The following TUBGCP2 variants were observed in gnomAD, a reference collection of about 807,000 sequenced individuals.
TUBGCP2 encodes the protein gamma-tubulin complex component 2.
TUBGCP2 carries 55 observed loss-of-function variants against 92.2 expected under a neutral mutation model. That is an observed-to-expected ratio of 0.60 (90% CI 0.48 to 0.75). TUBGCP2 has a LOEUF of 0.75. TUBGCP2 is among the 30% of genes least tolerant of loss of function. TUBGCP2 has a pLI of 0.00. For missense variants in TUBGCP2, 1,093 were observed against 1,188.9 expected (o/e 0.92, Z 1.19); for synonymous variants, 533 against 505.2 (o/e 1.06, Z -0.74).
chr10:133,293,985 G>A (rs888698007), intron 5 of TUBGCP2, among the ~76,000 whole-genome samples: 1 of 152,234 alleles, frequency 6.6e-6, no homozygotes, highest in Admixed American at 6.5e-5. Flanking sequence ...CGTGGTGGCT[G>A]GTGTCAAGAT....
chr10:133,289,331 A>G (rs1295822039), intron 9 of TUBGCP2, among the ~76,000 whole-genome samples: 1 of 152,238 alleles, frequency 6.6e-6, no homozygotes, highest in Non-Finnish European at 1.5e-5. Flanking sequence ...AATAATTTCG[A>G]ACAGGCATTA....
rs1183315579 is a variant in TUBGCP2, at chr10:133,285,245, C to A, written c.1896-32G>T. ...GAGACGTGGCGGCACCTCAGGTGGG[C>A]CTCCGTGACCGGCGGCGTCGTGGAC... is the stretch of plus-strand genomic sequence containing the variant. On this transcript the variant is annotated intron_variant, in intron 12 of 17. Transcript: ENST00000252936. This position sits in a 1 kb window ranked among gnomAD's most constrained non-coding sequence, Gnocchi z 6.8. 3 of 1,609,268 alleles carry A rather than the reference C, an allele frequency of 1.9e-6. No individual in the cohort carries two copies. Among genetic ancestry groups the A allele is most frequent in the Non-Finnish European group, 1.7e-6 (2 of 1,179,896 alleles).
At chr10:133,307,099 C>T (rs1847840697) in intron 1 of TUBGCP2, among the ~76,000 whole-genome samples, 2 of 152,250 alleles carry the variant, frequency 1.3e-5, no homozygotes, top group South Asian at 4.1e-4. Flanking sequence ...AAATGCACAG[C>T]GTCCCACTGA....
Position 133,281,799 on chromosome 10 carries a change from C to T in TUBGCP2, c.2410-363G>A, listed in dbSNP as rs111676427. On this transcript the variant is annotated intron_variant, in intron 16 of 17. Transcript: ENST00000252936. Reference sequence around the variant, plus strand: ...TCCTCTCTGCCAGCTCCAGCTCCAGCGTGTGAACACGGGACTGCCCACCCC... The same window carrying T: ...TCCTCTCTGCCAGCTCCAGCTCCAGTGTGTGAACACGGGACTGCCCACCCC... Among the ~76,000 whole-genome samples, 851 of 152,376 alleles carry T rather than the reference C, an allele frequency of 5.6e-3. 7 individuals are homozygous for T. The highest frequency in any genetic ancestry group is 0.019 in the African/African-American group (796 of 41,600).
At position 133,279,487 on chromosome 10, in the gene TUBGCP2, C is replaced by T. The variant is rs1237406447; in HGVS notation, c.*279G>A. 2.2e-6 allele frequency: 1 copy of T among 463,054 alleles called. No homozygotes were observed. Among genetic ancestry groups the T allele is most frequent in the African/African-American group, 2.1e-5 (1 of 48,388 alleles). The allele number at this position is 463,054 out of a possible 1,614,324, so 28.7% of individuals were successfully genotyped here. ...CTTTGCTTGCTCCTGGCTTAAACAC[C>T]ATGTATTTCCACTTTGAGGCCAAAA... On this transcript the variant is annotated 3_prime_UTR_variant, in exon 18 of 18. Transcript: ENST00000252936.
At chr10:133,303,173 C>A (rs1200711730) in intron 1 of TUBGCP2, among the ~76,000 whole-genome samples, 193 bp from the exon 2 acceptor site, 1 of 152,062 alleles carries the variant, frequency 6.6e-6, no homozygotes, top group Middle Eastern at 3.4e-3. Context: ...GGATTAGGGC[C>A]CCTGCCCAAC....
chr10:133,283,677 CTG>C (rs1847047310), intron 14 of TUBGCP2, among the ~76,000 whole-genome samples: 3 of 6,162 alleles, frequency 4.9e-4, no homozygotes, highest in Non-Finnish European at 1.1e-3. Flanking sequence ...CCTGCACTCC[CTG>C]CCTCTCCCGC....
chr10:133,309,715 G>C (rs545292455), upstream of TUBGCP2: 19 of 1,588,592 alleles, frequency 1.2e-5, no homozygotes, highest in Non-Finnish European at 1.6e-5. Context: ...AAACTGTGCA[G>C]AAAGTCCAGC....
chr10:133,283,583 G>A (rs2078527417), intron 14 of TUBGCP2, among the ~76,000 whole-genome samples: 1 of 136,532 alleles, frequency 7.3e-6, no homozygotes, highest in African/African-American at 3.6e-5. Context: ...GGGGTCCCGT[G>A]TGTGGCCAGC....
chr10:133,300,169 A>G, intron 2 of TUBGCP2, 56 bp from the exon 3 acceptor site: 4 of 1,574,102 alleles, frequency 2.5e-6, no homozygotes, highest in Non-Finnish European at 3.4e-6. Context: ...GCACTGTAAA[A>G]AAAAACCTTT....
intron 14 of TUBGCP2, 47 bp from the exon 15 acceptor site, chr10:133,283,268 G>T: frequency 6.2e-7 from 1 of 1,612,122 alleles, no homozygotes; most frequent in Admixed American, 1.7e-5. Flanking sequence ...GTGGCTGACA[G>T]ACGGGCCCTG....
upstream of TUBGCP2, among the ~76,000 whole-genome samples, chr10:133,311,009 C>G (rs1298923054): frequency 6.6e-6 from 1 of 152,192 alleles, no homozygotes; most frequent in East Asian, 1.9e-4. Flanking sequence ...GCTATGTTGC[C>G]CAGTCTGGTC....
At chr10:133,280,670 C>T (rs1252522016) in intron 17 of TUBGCP2, among the ~76,000 whole-genome samples, 1 of 152,240 alleles carries the variant, frequency 6.6e-6, no homozygotes, top group East Asian at 1.9e-4. Flanking sequence ...CCAGCACTAG[C>T]ACCAGGACAC....
Position 133,293,738 on chromosome 10 carries a change from G to T in TUBGCP2, c.648C>A (p.Ala216=), listed in dbSNP as rs547375200. The T allele has an allele frequency of 2.4e-5, 39 of 1,599,706 alleles. No homozygotes were observed. Among genetic ancestry groups the T allele is most frequent in the Non-Finnish European group, 3.2e-5 (37 of 1,174,250 alleles). The change falls in exon 6 of 18, where the codon GCC becomes GCA. Residue 216 remains alanine (A), a synonymous_variant. Transcript: ENST00000252936. ...GTLPLASQES[A]VVEDLLYVLV... Reference sequence around the variant, plus strand: ...GCACGTACAGCAGGTCCTCCACCACGGCCGACTCCTGCGAGGCCAGGGGCA... The same window carrying T: ...GCACGTACAGCAGGTCCTCCACCACTGCCGACTCCTGCGAGGCCAGGGGCA...
At chr10:133,306,832 C>T (rs1396279437) in intron 1 of TUBGCP2, among the ~76,000 whole-genome samples, 1 of 152,124 alleles carries the variant, frequency 6.6e-6, no homozygotes, top group Non-Finnish European at 1.5e-5. Context: ...CAGGAAACTT[C>T]GTATCTCTTC....
chr10:133,290,172 C>T (rs370783326), intron 8 of TUBGCP2: 20 of 656,006 alleles, frequency 3.0e-5, no homozygotes, highest in South Asian at 1.8e-4. Flanking sequence ...CGGTGGCTCA[C>T]GCCTGTAACC....
intron 13 of TUBGCP2, 125 bp downstream of exon 13, chr10:133,284,960 A>G: frequency 7.1e-7 from 1 of 1,405,512 alleles, no homozygotes; most frequent in South Asian, 1.4e-5. Flanking sequence ...GTGCGCTTCC[A>G]GATGACACTT....
At chr10:133,301,700 C>CTTTTTTTTT (rs71016439) in intron 2 of TUBGCP2, 17 of 87,256 alleles carry the variant, frequency 1.9e-4, no homozygotes, top group African/African-American at 6.0e-4. Flanking sequence ...CAGTCCCTCC[C>CTTTTTTTTT]TTTTTTTTTT....
chr10:133,298,578 G>A (rs1847546021), intron 4 of TUBGCP2, among the ~76,000 whole-genome samples: 1 of 152,258 alleles, frequency 6.6e-6, no homozygotes, highest in Admixed American at 6.5e-5. Context: ...TGACAGGATG[G>A]CTCCTGACAT....
Sources: gnomAD v4.1 joint callset for allele counts (sites outside exome capture counted in the v4.1 genomes callset) on GRCh38, gnomAD v4.1.1 for gene constraint, Gnocchi (gnomAD v3.1) non-coding constraint, MANE v1.5 for transcripts, NCBI Gene and HGNC (gene_info 2026-07-23, HGNC 2026-07-21) for gene names.